Variants in CATSPERB observed in about 807,000 individuals in gnomAD.
The protein encoded by CATSPERB is cation channel sperm-associated auxiliary subunit beta.
In CATSPERB, 93 loss-of-function variants were observed where a neutral mutation model predicts 128.3. The observed-to-expected ratio is 0.72, with a 90% CI of 0.61 to 0.86. CATSPERB has a LOEUF of 0.86. Among genes scored for constraint, CATSPERB ranks in the 40% least tolerant of loss-of-function variants. The pLI, the probability that CATSPERB is intolerant of heterozygous loss-of-function variation, is 0.00. For missense variants in CATSPERB, 1,153 were observed against 1,329.5 expected, an observed-to-expected ratio of 0.87 and a Z score of 2.06; for synonymous variants, 381 against 448.8, an observed-to-expected ratio of 0.85 and a Z score of 1.91.
intron 5 of CATSPERB, among the ~76,000 whole-genome samples, chr14:91,719,169 A>C (rs1895989835): frequency 6.6e-6 from 1 of 152,204 alleles, no homozygotes; most frequent in African/African-American, 2.4e-5. Context: ...TTTTAAATAA[A>C]AGATAATATA....
At chr14:91,707,698 A>AAGC (rs1189310870) in intron 6 of CATSPERB, among the ~76,000 whole-genome samples, 1 of 146,232 alleles carries the variant, frequency 6.8e-6, no homozygotes, top group Non-Finnish European at 1.5e-5. Flanking sequence ...TCCTGGGTTT[A>AAGC]AGCGATTCTC....
At position 91,672,921 on chromosome 14, in the gene CATSPERB, T is replaced by C; in HGVS notation, c.1074A>G (p.Leu358=). 6.2e-7 allele frequency: 1 copy of C among 1,601,480 alleles called. No individual in the cohort carries two copies. Among genetic ancestry groups the C allele is most frequent in the Non-Finnish European group, 8.5e-7 (1 of 1,177,426 alleles). ...FKGIKIFPTV[L]TFLVDQERGT... is the part of the protein sequence containing the mutation. ...CACGCTCTTGGTCAACAAGAAATGTTAGCACAGTTGGAAAAATTTTTATTC... is the reference window on the plus strand; with the variant it reads ...CACGCTCTTGGTCAACAAGAAATGTCAGCACAGTTGGAAAAATTTTTATTC... The change falls in exon 13 of 27, where the codon CTA becomes CTG. Residue 358 remains leucine (L), a synonymous_variant. Coordinates refer to ENST00000256343, the MANE Select transcript of CATSPERB (RefSeq NM_024764.4).
intron 14 of CATSPERB, among the ~76,000 whole-genome samples, chr14:91,665,434 T>C (rs1279623188): frequency 6.6e-6 from 1 of 152,142 alleles, no homozygotes; most frequent in African/African-American, 2.4e-5. Context: ...AGATGGAGAC[T>C]GGGGGAAATG....
chr14:91,687,446 C>T (rs1168584988), intron 10 of CATSPERB, among the ~76,000 whole-genome samples: 1 of 152,062 alleles, frequency 6.6e-6, no homozygotes, highest in Non-Finnish European at 1.5e-5. Flanking sequence ...CCAGGGAGAT[C>T]CCTTGCCCCT....
Position 91,608,356 on chromosome 14 carries a change from CTG to C in CATSPERB, c.2645_2646del (p.Thr882ArgfsTer2). The stretch of plus-strand genomic sequence containing the variant: ...CTAGGATCTGCATGATAAAAATTAT[CTG>C]TGAGTGGAATAGCAATTCCCATATT... The part of the protein sequence containing the change: ...PSNMGIAIPL[T>X]DNFYHADPSK... On this transcript the variant is annotated frameshift_variant, in exon 22 of 27. Coordinates refer to ENST00000256343, the MANE Select transcript of CATSPERB (RefSeq NM_024764.4). LOFTEE classifies it high-confidence loss of function. 6.2e-7 allele frequency: 1 copy of C among 1,612,366 alleles called. No homozygotes were observed. Among genetic ancestry groups the C allele is most frequent in the Non-Finnish European group, 8.5e-7 (1 of 1,178,688 alleles).
intron 24 of CATSPERB, among the ~76,000 whole-genome samples, chr14:91,588,652 G>A (rs1403337670): frequency 1.3e-5 from 2 of 152,132 alleles, no homozygotes; most frequent in Non-Finnish European, 2.9e-5. Flanking sequence ...AGAAACAGCT[G>A]TGATTGTAAT....
In CATSPERB at chr14:91,617,782, A is replaced by G. The variant is rs769896628; in HGVS notation, c.2261-46T>C. 3.0e-6 allele frequency: 4 copies of G among 1,325,306 alleles called. No homozygotes were observed. The South Asian group carries it at 5.3e-5, about 17-fold the overall frequency. The allele number at this position is 1,325,306 out of a possible 1,614,324, so 82.1% of individuals were successfully genotyped here. A position where few individuals can be genotyped will look rare whatever the true frequency, so the allele number is the denominator to read the frequency against. On this transcript the variant is annotated intron_variant, in intron 19 of 26. Coordinates refer to ENST00000256343, the MANE Select transcript of CATSPERB (RefSeq NM_024764.4). ...GTTAATATTAGATAATGAAAACTGT[A>G]AACTCAATTGAATAATGATTGGCTA...
Position 91,649,361 on chromosome 14 carries a change from G to A in CATSPERB, c.1433-10111C>T, listed in dbSNP as rs749406587. ...TGTGTGTGTGTGTGTGTGTGTGTGTGTAGAGATTGTTGCCCCGGCTGGTCT... is the reference window on the plus strand; with the variant it reads ...TGTGTGTGTGTGTGTGTGTGTGTGTATAGAGATTGTTGCCCCGGCTGGTCT... On this transcript the variant is annotated intron_variant, in intron 15 of 26. Transcript: ENST00000256343. Among the ~76,000 whole-genome samples, 31 of 136,908 alleles carry A rather than the reference G, an allele frequency of 2.3e-4. 1 individual carries two copies. Among genetic ancestry groups the A allele is most frequent in the South Asian group, 1.2e-3 (5 of 4,256 alleles). The allele number at this position is 136,908 out of a possible 152,430, so 89.8% of individuals were successfully genotyped here. A position where few individuals can be genotyped will look rare whatever the true frequency, so the allele number is the denominator to read the frequency against.
At chr14:91,606,769 C>T (rs139959425) in intron 22 of CATSPERB, among the ~76,000 whole-genome samples, 26 of 152,148 alleles carry the variant, frequency 1.7e-4, no homozygotes, top group African/African-American at 6.0e-4. Flanking sequence ...CTGGATAGTG[C>T]CTGATAACAC....
At chr14:91,699,113 C>T (rs12436393) in intron 7 of CATSPERB, among the ~76,000 whole-genome samples, 1,584 of 152,216 alleles carry the variant, frequency 0.01, 26 homozygotes, top group African/African-American at 0.036. Flanking sequence ...AGTTGATGGG[C>T]ACTTAGGTTT....
At chr14:91,666,996 GTTATGCCA>G (rs1894995690) in intron 14 of CATSPERB, among the ~76,000 whole-genome samples, 1 of 152,346 alleles carries the variant, frequency 6.6e-6, no homozygotes, top group African/African-American at 2.4e-5. Flanking sequence ...CGAAGGGCAG[GTTATGCCA>G]TAGTTAGTGA....
chr14:91,670,445 A>G (rs1895067938), intron 13 of CATSPERB, among the ~76,000 whole-genome samples: 1 of 151,800 alleles, frequency 6.6e-6, no homozygotes, highest in South Asian at 2.1e-4. Context: ...TGGGAGGCCT[A>G]TGTGAGAGGA....
chr14:91,717,866 A>G (rs888360602), intron 5 of CATSPERB, among the ~76,000 whole-genome samples: 1 of 152,184 alleles, frequency 6.6e-6, no homozygotes, highest in Non-Finnish European at 1.5e-5. Context: ...TTTTTAGCAT[A>G]TTACTATCTA....
At chr14:91,645,789 G>A (rs1290401501) in intron 15 of CATSPERB, among the ~76,000 whole-genome samples, 1 of 147,996 alleles carries the variant, frequency 6.8e-6, no homozygotes, top group Non-Finnish European at 1.5e-5. Flanking sequence ...GGGCAATGGT[G>A]GGCGCCCCTC....
rs1566721493 is a variant in CATSPERB, at chr14:91,659,850, GT to G, written c.1418del (p.Tyr473SerfsTer34). 1 of 1,605,034 alleles carries G rather than the reference GT, an allele frequency of 6.2e-7. No homozygotes were observed. The highest frequency in any genetic ancestry group is 8.5e-7 in the Non-Finnish European group (1 of 1,177,832). ...ITFVSQRGKV[Y>X]STKAGMGRYS... ...CAAATTTCTTACCTGCCTTTGTCGA[GT>G]AAACCTTTCCACGTTGAGAAACAAA... On this transcript the variant is annotated frameshift_variant, in exon 15 of 27. Coordinates refer to ENST00000256343, the MANE Select transcript of CATSPERB (RefSeq NM_024764.4). LOFTEE classifies it high-confidence loss of function.
Position 91,669,955 on chromosome 14 carries a change from A to G in CATSPERB, c.1146T>C (p.Ile382=). Reference sequence around the variant, plus strand: ...TATTTCTCAGGGTGCTCACAGAGGCAATGGCAGTTTTCCTGACCTAGGTAA... The same window carrying G: ...TATTTCTCAGGGTGCTCACAGAGGCGATGGCAGTTTTCCTGACCTAGGTAA... ...LFYNKVRKTA[I]ASVSTLRNNE... is the part of the protein sequence containing the mutation. Residue 382 remains isoleucine (I), a synonymous_variant, in exon 14 of 27, where the codon ATT becomes ATC. Transcript: ENST00000256343. 6.2e-7 allele frequency: 1 copy of G among 1,612,906 alleles called. No homozygotes were observed. Among genetic ancestry groups the G allele is most frequent in the Non-Finnish European group, 8.5e-7 (1 of 1,179,644 alleles).
At chr14:91,590,817 A>C (rs1022408789) in intron 23 of CATSPERB, among the ~76,000 whole-genome samples, 5 of 150,690 alleles carry the variant, frequency 3.3e-5, no homozygotes, top group African/African-American at 1.2e-4. Flanking sequence ...CGCCCGGCTA[A>C]TTTTTTTGTA....
intron 11 of CATSPERB, among the ~76,000 whole-genome samples, chr14:91,682,534 C>A (rs1441249945): frequency 6.6e-6 from 1 of 152,116 alleles, no homozygotes; most frequent in African/African-American, 2.4e-5. Flanking sequence ...TGGAGTCAAC[C>A]CTTCCCCCGG....
chr14:91,697,312 T>C (rs777945445), intron 7 of CATSPERB, among the ~76,000 whole-genome samples: 5 of 152,076 alleles, frequency 3.3e-5, no homozygotes, highest in Admixed American at 2.0e-4. Context: ...CTGAGAATTA[T>C]GGTGAGAACA....
Sources: allele counts gnomAD v4.1 joint callset (sites outside exome capture counted in the v4.1 genomes callset), GRCh38; gene constraint gnomAD v4.1.1; transcripts MANE v1.5; gene names NCBI Gene and HGNC (gene_info 2026-07-23, HGNC 2026-07-21).